Variants in AK5 observed in about 807,000 individuals in gnomAD.
AK5 encodes the protein adenylate kinase 5.
AK5 carries 27 observed loss-of-function variants against 69.5 expected under a neutral mutation model. The observed-to-expected ratio is 0.39, with a 90% CI of 0.29 to 0.54. The LOEUF (loss-of-function observed/expected upper bound fraction) is 0.54. Ranked by LOEUF, AK5 falls within the 20% of genes least tolerant of loss-of-function variation. AK5 has a pLI of 0.71. For synonymous variants in AK5, 260 were observed against 244.4 expected (o/e 1.06, Z -0.60); for missense variants, 531 against 700.4 (o/e 0.76, Z 2.73).
chr1:77,437,071 G>A (rs779283529), intron 8 of AK5, among the ~76,000 whole-genome samples: 11 of 152,052 alleles, frequency 7.2e-5, no homozygotes, highest in Non-Finnish European at 1.5e-4. Context: ...ATGTAAAACT[G>A]CCTGACCAGT....
chr1:77,498,914 T>C (rs1656526666), intron 10 of AK5, among the ~76,000 whole-genome samples: 1 of 152,244 alleles, frequency 6.6e-6, no homozygotes, highest in African/African-American at 2.4e-5. Flanking sequence ...TAAGTGGTGT[T>C]TCACCTACAA....
chr1:77,534,183 A>G (rs893037843), intron 12 of AK5, among the ~76,000 whole-genome samples: 3 of 151,990 alleles, frequency 2.0e-5, no homozygotes, highest in Non-Finnish European at 4.4e-5. Context: ...CCCACCCCAC[A>G]CACTTTCTAC....
At chr1:77,530,160 GT>G (rs2100340470) in intron 12 of AK5, among the ~76,000 whole-genome samples, 1 of 152,324 alleles carries the variant, frequency 6.6e-6, no homozygotes, top group Non-Finnish European at 1.5e-5. Flanking sequence ...GTGTGTTCTA[GT>G]TGTTTAGAAT....
chr1:77,298,146 G>A, intron 5 of AK5, 199 bp downstream of exon 5: 8 of 440,654 alleles, frequency 1.8e-5, no homozygotes, highest in East Asian at 3.5e-5. Context: ...TCTGCCAAAA[G>A]GAAAGATAAC....
chr1:77,430,020 C>T (rs1498401), intron 8 of AK5, among the ~76,000 whole-genome samples: 111,714 of 151,726 alleles, frequency 0.74, 42,216 homozygotes, highest in Non-Finnish European at 0.83. Context: ...GTTGGGGTTT[C>T]TGAGGAGGGA....
At chr1:77,403,805 TTAAAG>T (rs1649417914) in intron 6 of AK5, among the ~76,000 whole-genome samples, 1 of 152,236 alleles carries the variant, frequency 6.6e-6, no homozygotes, top group Admixed American at 6.5e-5. Flanking sequence ...CATATGAACT[TTAAAG>T]TAGCTTTTTC....
chr1:77,310,871 C>G (rs1347361246), intron 5 of AK5, among the ~76,000 whole-genome samples: 2 of 152,080 alleles, frequency 1.3e-5, no homozygotes, highest in African/African-American at 4.8e-5. Flanking sequence ...TTATTCAAGT[C>G]TAGCTTTATG....
intron 5 of AK5, among the ~76,000 whole-genome samples, chr1:77,303,401 C>T (rs1670610): frequency 0.99 from 150,186 of 152,390 alleles, 74,046 homozygotes; most frequent in Middle Eastern, 1. Flanking sequence ...AATAAATCCA[C>T]ACAAGTTAAC....
intron 9 of AK5, among the ~76,000 whole-genome samples, chr1:77,485,856 C>T (rs945918210): frequency 7.2e-5 from 11 of 152,194 alleles, no homozygotes; most frequent in Non-Finnish European, 1.3e-4. Context: ...GTGGCTCACA[C>T]CTGTAATCCC....
rs141006607 is a variant in AK5, at chr1:77,363,479, T to C, written c.891+22911T>C. On this transcript the variant is annotated intron_variant, in intron 6 of 13. Transcript: ENST00000354567. ...GAAACATTTTTTAAAGTTAATAAGA[T>C]GATGTCACTTTCCTATTTGAACCCT... 8.4e-3 allele frequency among the ~76,000 whole-genome samples: 1,284 copies of C among 152,306 alleles called. 9 individuals are homozygous for C. The highest frequency in any genetic ancestry group is 0.014 in the Non-Finnish European group (935 of 68,020).
rs532148535 is a variant in AK5, at chr1:77,443,307, CCTAA to C, written c.1059+25595_1059+25598del. On this transcript the variant is annotated intron_variant, in intron 8 of 13. Transcript: ENST00000354567. ...CATTGTGTACTGACTCGTATTACTC[CCTAA>C]CTGTCTCCTGTATGCTATATGCATC... Among the ~76,000 whole-genome samples the C allele has an allele frequency of 1.8e-4, 28 of 152,126 alleles. 1 individual carries two copies. In the South Asian group the frequency reaches 5.6e-3, roughly 30 times the overall value.
chr1:77,442,567 GT>G (rs1652395007), intron 8 of AK5, among the ~76,000 whole-genome samples: 1 of 152,180 alleles, frequency 6.6e-6, no homozygotes, highest in Admixed American at 6.5e-5. Flanking sequence ...GAAGTCAGGT[GT>G]TTCCTTCTGT....
At chr1:77,411,186 A>T in intron 7 of AK5, 115 bp downstream of exon 7, 1 of 783,658 alleles carries the variant, frequency 1.3e-6, no homozygotes, top group African/African-American at 1.7e-5. Flanking sequence ...AGGATGACAA[A>T]GTCTTATACT....
intron 6 of AK5, among the ~76,000 whole-genome samples, chr1:77,395,762 A>G (rs1353770843): frequency 1.3e-5 from 2 of 152,242 alleles, no homozygotes; most frequent in African/African-American, 4.8e-5. Flanking sequence ...CAGGACACAT[A>G]TAAACAGGTT....
chr1:77,350,490 T>C (rs1417168523), intron 6 of AK5, among the ~76,000 whole-genome samples: 1 of 152,078 alleles, frequency 6.6e-6, no homozygotes, highest in Non-Finnish European at 1.5e-5. Context: ...GCTTGGAGCA[T>C]GGGAGTGACA....
chr1:77,384,479 T>A (rs892477221), intron 6 of AK5, among the ~76,000 whole-genome samples: 37 of 152,152 alleles, frequency 2.4e-4, no homozygotes, highest in African/African-American at 8.9e-4. Flanking sequence ...CATTACTGAC[T>A]GTGTTTTAAA....
chr1:77,523,179 A>G (rs965845356), intron 12 of AK5, among the ~76,000 whole-genome samples: 5 of 152,138 alleles, frequency 3.3e-5, no homozygotes, highest in South Asian at 2.1e-4. Context: ...TTCAAGGTCA[A>G]TTGCTCATCT....
chr1:77,353,613 T>C (rs917267847), intron 6 of AK5, among the ~76,000 whole-genome samples: 2 of 152,224 alleles, frequency 1.3e-5, no homozygotes, highest in East Asian at 1.9e-4. Flanking sequence ...ACTCTTGCCT[T>C]ACCCACTCTG....
intron 8 of AK5, among the ~76,000 whole-genome samples, chr1:77,459,663 A>G (rs1653707704): frequency 1.3e-5 from 2 of 152,220 alleles, no homozygotes; most frequent in Admixed American, 1.3e-4. Flanking sequence ...TGAGAACCAC[A>G]GATTTAACAA....
Sources: gnomAD v4.1 joint callset for allele counts (sites outside exome capture counted in the v4.1 genomes callset) on GRCh38, gnomAD v4.1.1 for gene constraint, MANE v1.5 for transcripts, NCBI Gene and HGNC (gene_info 2026-07-23, HGNC 2026-07-21) for gene names.